Variants in SLC25A12 observed in about 807,000 individuals in gnomAD.
SLC25A12 encodes the protein solute carrier family 25 member 12.
In SLC25A12, 32 loss-of-function variants were observed where a neutral mutation model predicts 83.3. That is an observed-to-expected ratio of 0.38 (90% CI 0.29 to 0.52). SLC25A12 has a LOEUF of 0.52. Among genes scored for constraint, SLC25A12 ranks in the 20% least tolerant of loss-of-function variants. The pLI is 0.84. For missense variants in SLC25A12, 611 were observed against 835.6 expected (o/e 0.73, Z 3.31); for synonymous variants, 267 against 291.1 (o/e 0.92, Z 0.84).
chr2:171,858,745 C>T (rs1222494382), intron 3 of SLC25A12, among the ~76,000 whole-genome samples: 1 of 152,172 alleles, frequency 6.6e-6, no homozygotes, highest in East Asian at 1.9e-4. Flanking sequence ...CCAAGTAGCA[C>T]CAGCCCCTTG....
At chr2:171,803,939 A>C (rs1683768615) in intron 13 of SLC25A12, among the ~76,000 whole-genome samples, 1 of 152,224 alleles carries the variant, frequency 6.6e-6, no homozygotes, top group Admixed American at 6.5e-5. Context: ...GGCAGTCCTG[A>C]AAATGCTAAT....
At chr2:171,824,135 G>GT (rs1320375167) in intron 9 of SLC25A12, among the ~76,000 whole-genome samples, 6 of 152,128 alleles carry the variant, frequency 3.9e-5, no homozygotes, top group African/African-American at 1.2e-4. Context: ...GAAAATGGTG[G>GT]TTTTTATCAC....
intron 2 of SLC25A12, among the ~76,000 whole-genome samples, chr2:171,886,433 A>T (rs1209259358): frequency 6.8e-6 from 1 of 146,232 alleles, no homozygotes; most frequent in Non-Finnish European, 1.5e-5. Flanking sequence ...GGGTTTTGCC[A>T]CGTTGCCTAG....
chr2:171,830,350 C>A (rs1359062575), intron 8 of SLC25A12, among the ~76,000 whole-genome samples: 1 of 152,082 alleles, frequency 6.6e-6, no homozygotes, highest in Non-Finnish European at 1.5e-5. Context: ...TGTATAAATA[C>A]CACTAGATAG....
chr2:171,811,762 C>T (rs990573874), intron 11 of SLC25A12, among the ~76,000 whole-genome samples: 1 of 152,128 alleles, frequency 6.6e-6, no homozygotes, highest in African/African-American at 2.4e-5. Flanking sequence ...ATAAACATGA[C>T]ATCTCTCTCA....
intron 4 of SLC25A12, among the ~76,000 whole-genome samples, chr2:171,850,123 T>C (rs1263712077): frequency 6.6e-6 from 1 of 151,466 alleles, no homozygotes; most frequent in East Asian, 2.0e-4. Flanking sequence ...TTCCCTTTTT[T>C]TGGGGGTGGG....
Position 171,815,164 on chromosome 2 carries a change from A to C in SLC25A12, c.969T>G (p.Ile323Met). Residue 323 changes from isoleucine (I) to methionine (M), a missense_variant, in exon 10 of 18, where the codon ATT (isoleucine) becomes ATG (methionine). Around this residue, in one of 3 missense-constraint regions of SLC25A12, gnomAD observed 540 missense variants for 777.5 expected, o/e 0.69. Coordinates refer to ENST00000422440, the MANE Select transcript of SLC25A12 (RefSeq NM_003705.5). ...PGLGRPIWLQ[I>M]AESAYRFTLG... Reference sequence around the variant, plus strand: ...GAGTGAATCTGTAAGCAGACTCGGCAATCTGGAGCCAGATAGGCCTGCCTA... The same window carrying C: ...GAGTGAATCTGTAAGCAGACTCGGCCATCTGGAGCCAGATAGGCCTGCCTA... The C allele has an allele frequency of 6.2e-7, 1 of 1,613,976 alleles. No individual in the cohort carries two copies. The highest frequency in any genetic ancestry group is 8.5e-7 in the Non-Finnish European group (1 of 1,179,890).
At chr2:171,867,351 C>T (rs1317938689) in intron 3 of SLC25A12, among the ~76,000 whole-genome samples, 1 of 152,040 alleles carries the variant, frequency 6.6e-6, no homozygotes, top group South Asian at 2.1e-4. Flanking sequence ...CCATTGAGCA[C>T]TGAGTGAACC....
intron 4 of SLC25A12, chr2:171,848,409 A>T (rs943395045): frequency 2.6e-6 from 1 of 385,796 alleles, no homozygotes; most frequent in Non-Finnish European, 5.3e-6. Context: ...AAACATTCTT[A>T]TTGTCAGGGG....
At chr2:171,877,212 C>A (rs1473027931) in intron 2 of SLC25A12, among the ~76,000 whole-genome samples, 1 of 152,158 alleles carries the variant, frequency 6.6e-6, no homozygotes, top group East Asian at 1.9e-4. Context: ...CATAATTACA[C>A]TGAACTATCT....
intron 4 of SLC25A12, among the ~76,000 whole-genome samples, chr2:171,850,165 G>C (rs1283605889): frequency 6.7e-6 from 1 of 149,990 alleles, no homozygotes; most frequent in Non-Finnish European, 1.5e-5. Context: ...ACCCAGGCTG[G>C]AATGCAGTGG....
chr2:171,828,330 A>C (rs1331793106), intron 8 of SLC25A12, among the ~76,000 whole-genome samples: 1 of 152,240 alleles, frequency 6.6e-6, no homozygotes, highest in Non-Finnish European at 1.5e-5. Context: ...CAGCTCTTCC[A>C]GAACAAACTC....
chr2:171,815,020 C>A, intron 10 of SLC25A12, 101 bp downstream of exon 10: 1 of 938,456 alleles, frequency 1.1e-6, no homozygotes, highest in Non-Finnish European at 1.8e-6. Context: ...AAGTCGTGAC[C>A]CATGGGAACA....
chr2:171,790,016 T>C (rs1023514258), intron 15 of SLC25A12, among the ~76,000 whole-genome samples: 10 of 152,102 alleles, frequency 6.6e-5, no homozygotes, highest in African/African-American at 2.2e-4. Flanking sequence ...AAAATTACCA[T>C]TGCTAGAGGA....
chr2:171,855,777 A>G (rs1329025387), intron 4 of SLC25A12, 57 bp downstream of exon 4: 8 of 990,672 alleles, frequency 8.1e-6, no homozygotes, highest in African/African-American at 6.4e-5. Flanking sequence ...AGATTCAGCA[A>G]TTGAAGACTG....
chr2:171,890,232 T>C (rs763582037), intron 2 of SLC25A12, among the ~76,000 whole-genome samples: 5 of 152,368 alleles, frequency 3.3e-5, no homozygotes, highest in African/African-American at 4.8e-5. Context: ...CCTTTGTAAA[T>C]ATTTGTTGGG....
intron 2 of SLC25A12, among the ~76,000 whole-genome samples, chr2:171,872,034 A>G (rs1275069736): frequency 6.6e-6 from 1 of 152,052 alleles, no homozygotes. Flanking sequence ...TGGTGCTACC[A>G]AAAGCATTCA....
intron 9 of SLC25A12, among the ~76,000 whole-genome samples, chr2:171,820,533 G>A (rs57566326): frequency 7.1e-6 from 1 of 141,130 alleles, no homozygotes. Flanking sequence ...TCGAGACCAT[G>A]CCGGCTAAAA....
Position 171,853,407 on chromosome 2 carries a change from G to C in SLC25A12, c.325+2427C>G, listed in dbSNP as rs536170717. Among the ~76,000 whole-genome samples, 886 of 128,236 alleles carry C rather than the reference G, an allele frequency of 6.9e-3. 5 individuals are homozygous for C. The highest frequency in any genetic ancestry group is 8.1e-3 in the Non-Finnish European group (475 of 58,316). The allele number at this position is 128,236 out of a possible 152,430, so 84.1% of individuals were successfully genotyped here. On this transcript the variant is annotated intron_variant, in intron 4 of 17. Transcript: ENST00000422440. Reference sequence around the variant, plus strand: ...AAAGCTAAAGTTGGCTGGGTGCAGTGGCTCACGCCTGTAATCTCAGCACTT... The same window carrying C: ...AAAGCTAAAGTTGGCTGGGTGCAGTCGCTCACGCCTGTAATCTCAGCACTT...
Sources: gnomAD v4.1 joint callset for allele counts (sites outside exome capture counted in the v4.1 genomes callset) on GRCh38, gnomAD v4.1.1 for gene constraint, gnomAD v4.1.1 regional missense constraint, MANE v1.5 for transcripts, NCBI Gene and HGNC (gene_info 2026-07-23, HGNC 2026-07-21) for gene names.